The following PRELID2 variants were observed in gnomAD, a reference collection of about 807,000 sequenced individuals.
PRELID2 encodes the protein PRELI domain containing 2, also known as PRELI domain-containing protein 2.
A neutral mutation model predicts 28.4 loss-of-function variants in PRELID2; 25 were observed. That is an observed-to-expected ratio of 0.88 (90% CI 0.64 to 1.23). PRELID2 has a LOEUF of 1.23. Ranked by LOEUF, PRELID2 falls within the 50% of genes most tolerant of loss-of-function variation. The probability of loss-of-function intolerance (pLI) is 0.00; values close to 1 mark genes in which losing one functional copy is unlikely to be tolerated. For missense variants in PRELID2, 201 were observed against 214.4 expected (o/e 0.94, Z 0.39); for synonymous variants, 76 against 71.6 (o/e 1.06, Z -0.31).
chr5:145,833,596 T>C (rs973733064), intron 1 of PRELID2, among the ~76,000 whole-genome samples: 1 of 152,218 alleles, frequency 6.6e-6, no homozygotes, highest in Admixed American at 6.5e-5. Context: ...TCAACGAACA[T>C]ATCAGCAAGC....
intron 1 of PRELID2, among the ~76,000 whole-genome samples, chr5:145,638,928 T>C (rs1409760878): frequency 1.3e-5 from 2 of 152,206 alleles, no homozygotes; most frequent in African/African-American, 2.4e-5. Flanking sequence ...TTACGCCAGC[T>C]TTGGTTGCCC....
chr5:145,666,655 G>A (rs1036383329), intron 1 of PRELID2, among the ~76,000 whole-genome samples: 1 of 152,012 alleles, frequency 6.6e-6, no homozygotes, highest in African/African-American at 2.4e-5. Flanking sequence ...GGAATGTGTA[G>A]TAACTCCATT....
chr5:145,652,900 A>G (rs938223543), intron 1 of PRELID2, among the ~76,000 whole-genome samples: 5 of 152,202 alleles, frequency 3.3e-5, no homozygotes, highest in Admixed American at 6.5e-5. Flanking sequence ...ACACATAACG[A>G]TATTAACATT....
At chr5:145,279,930 C>T in the PRELID2 span, among the ~76,000 whole-genome samples, 15 of 152,046 alleles carry the variant, frequency 9.9e-5, no homozygotes, top group African/African-American at 3.6e-4. Context: ...AGCCCAAGAT[C>T]CCATCAGAAC....
At chr5:145,410,666 C>T in the PRELID2 span, among the ~76,000 whole-genome samples, 2 of 152,022 alleles carry the variant, frequency 1.3e-5, no homozygotes, top group Admixed American at 6.6e-5. Context: ...GGGGAAACTG[C>T]CCCCATGATT....
At chr5:145,251,817 C>A in the PRELID2 span, among the ~76,000 whole-genome samples, 1 of 152,006 alleles carries the variant, frequency 6.6e-6, no homozygotes, top group African/African-American at 2.4e-5. Context: ...GTCAACCAAC[C>A]CTTGGCCTGG....
chr5:145,470,298 T>C (rs978225354), downstream of PRELID2, among the ~76,000 whole-genome samples: 8 of 152,128 alleles, frequency 5.3e-5, no homozygotes, highest in Middle Eastern at 3.2e-3. Flanking sequence ...TACAAAAACA[T>C]GTGACAGGCT....
downstream of PRELID2, among the ~76,000 whole-genome samples, chr5:145,470,735 G>A (rs189474452): frequency 6.6e-6 from 1 of 152,048 alleles, no homozygotes; most frequent in Non-Finnish European, 1.5e-5. Context: ...CAGATAGGGA[G>A]ACAGAAATAC....
intron 1 of PRELID2, among the ~76,000 whole-genome samples, chr5:145,676,220 CAAAAAAAA>C (rs34833967): frequency 3.7e-5 from 2 of 53,602 alleles, no homozygotes; most frequent in Non-Finnish European, 4.3e-5. Flanking sequence ...AACTCCATCT[CAAAAAAAA>C]AAAAAAAAAA....
chr5:145,612,317 A>G (rs2149645788), intron 1 of PRELID2, among the ~76,000 whole-genome samples: 1 of 152,350 alleles, frequency 6.6e-6, no homozygotes, highest in Admixed American at 6.5e-5. Context: ...TTTCAATTAA[A>G]CACTTTTCCA....
chr5:145,790,836 T>C (rs1011120769), intron 5 of PRELID2, among the ~76,000 whole-genome samples: 4 of 148,132 alleles, frequency 2.7e-5, no homozygotes. Flanking sequence ...AAAAACCTTT[T>C]AAATGAGTCC....
At chr5:145,697,059 A>G (rs1325538366) in intron 1 of PRELID2, among the ~76,000 whole-genome samples, 1 of 122,932 alleles carries the variant, frequency 8.1e-6, no homozygotes, top group Non-Finnish European at 1.6e-5. Flanking sequence ...ATATATATAT[A>G]TATATATATA....
chr5:145,268,168 C>A, the PRELID2 span, among the ~76,000 whole-genome samples: 2 of 152,068 alleles, frequency 1.3e-5, no homozygotes, highest in African/African-American at 4.8e-5. Flanking sequence ...TCCATTTGTT[C>A]TTTGGTTGCC....
intron 1 of PRELID2, among the ~76,000 whole-genome samples, chr5:145,619,935 G>C (rs1221270145): frequency 6.6e-6 from 1 of 152,098 alleles, no homozygotes; most frequent in Non-Finnish European, 1.5e-5. Flanking sequence ...CACCAGATGG[G>C]CTAAATTTAA....
chr5:145,739,624 G>GA (rs1756594864), intron 1 of PRELID2, among the ~76,000 whole-genome samples: 1 of 117,488 alleles, frequency 8.5e-6, no homozygotes. Context: ...AATAATTGTA[G>GA]AAAAAAGTTA....
chr5:145,689,083 G>T (rs925392908), intron 1 of PRELID2, among the ~76,000 whole-genome samples: 1 of 152,196 alleles, frequency 6.6e-6, no homozygotes, highest in African/African-American at 2.4e-5. Flanking sequence ...AAAACAAAGA[G>T]AAGAGGTTGG....
chr5:145,293,956 T>C, the PRELID2 span, among the ~76,000 whole-genome samples: 1 of 152,176 alleles, frequency 6.6e-6, no homozygotes, highest in Non-Finnish European at 1.5e-5. Context: ...TGCCCAATGC[T>C]TGACTATGCT....
the PRELID2 span, among the ~76,000 whole-genome samples, chr5:145,343,937 A>T: frequency 2.0e-5 from 3 of 152,032 alleles, no homozygotes. Flanking sequence ...TCCTGGAAAC[A>T]TACAACATAC....
intron 1 of PRELID2, among the ~76,000 whole-genome samples, chr5:145,828,320 A>T (rs1214843513): frequency 3.4e-4 from 52 of 152,236 alleles, no homozygotes; most frequent in Non-Finnish European, 1.9e-4. Context: ...CTAACAAATG[A>T]ATCAACACTT....
Sources: allele counts gnomAD v4.1 joint callset (sites outside exome capture counted in the v4.1 genomes callset), GRCh38; gene constraint gnomAD v4.1.1; transcripts MANE v1.5; gene names NCBI Gene and HGNC (gene_info 2026-07-23, HGNC 2026-07-21).